The following ARFIP1 variants were observed in gnomAD, a reference collection of about 807,000 sequenced individuals.
ARFIP1 encodes arfaptin-1.
In ARFIP1, 24 loss-of-function variants were observed where a neutral mutation model predicts 42.5. The observed-to-expected ratio is 0.57, with a 90% confidence interval of 0.41 to 0.80. The LOEUF (loss-of-function observed/expected upper bound fraction) is 0.80. Among genes scored for constraint, ARFIP1 ranks in the 30% least tolerant of loss-of-function variants. The pLI, the probability that ARFIP1 is intolerant of heterozygous loss-of-function variation, is 0.00. For synonymous variants in ARFIP1, 141 were observed against 153.7 expected (o/e 0.92, Z 0.61); for missense variants, 354 against 434.0 (o/e 0.82, Z 1.64).
Position 152,889,073 on chromosome 4 carries a change from C to G in ARFIP1, c.966+766C>G, listed in dbSNP as rs1472914386. On this transcript the variant is annotated intron_variant, in intron 8 of 8. Transcript: ENST00000353617. ...CGTTGGTAGTTTTTTCTGTGCATTTCACATCCTGTGAAGTCATGACAGGTC... is the reference window on the plus strand; with the variant it reads ...CGTTGGTAGTTTTTTCTGTGCATTTGACATCCTGTGAAGTCATGACAGGTC... Among the ~76,000 whole-genome samples, 3 of 152,258 alleles carry G rather than the reference C, an allele frequency of 2.0e-5. No homozygotes were observed. The East Asian group carries it at 5.8e-4, about 29-fold the overall frequency.
chr4:152,864,727 G>A (rs1481123351), intron 3 of ARFIP1, among the ~76,000 whole-genome samples: 2 of 152,160 alleles, frequency 1.3e-5, no homozygotes, highest in Non-Finnish European at 2.9e-5. Context: ...TGAGGCACTC[G>A]TAATCATTCT....
In ARFIP1 at chr4:152,889,498, CATATAT is replaced by C. The variant is rs71595203; in HGVS notation, c.966+1223_966+1228del. Among the ~76,000 whole-genome samples the C allele has an allele frequency of 3.6e-3, 154 of 42,782 alleles. 4 individuals carry two copies. The highest frequency in any genetic ancestry group is 9.9e-3 in the African/African-American group (147 of 14,840). The allele number at this position is 42,782 out of a possible 152,430, so 28.1% of individuals were successfully genotyped here. On this transcript the variant is annotated intron_variant, in intron 8 of 8. Coordinates refer to ENST00000353617, the MANE Select transcript of ARFIP1 (RefSeq NM_001025595.3). ...CACATAAGATTGCATTCATTTTAGT[CATATAT>C]ATATATATATATATATATATATATA...
chr4:152,892,261 G>A (rs1383344268), intron 8 of ARFIP1, among the ~76,000 whole-genome samples: 1 of 152,138 alleles, frequency 6.6e-6, no homozygotes, highest in Non-Finnish European at 1.5e-5. Context: ...GTGCTGTTCT[G>A]TAATTTGATA....
At chr4:152,866,261 T>G (rs1482993967) in intron 3 of ARFIP1, among the ~76,000 whole-genome samples, 2 of 152,194 alleles carry the variant, frequency 1.3e-5, no homozygotes, top group Non-Finnish European at 2.9e-5. Flanking sequence ...GTCTCCCATG[T>G]CTACTTCTTT....
At chr4:152,876,823 G>A (rs747396612) in intron 5 of ARFIP1, among the ~76,000 whole-genome samples, 1 of 152,224 alleles carries the variant, frequency 6.6e-6, no homozygotes, top group African/African-American at 2.4e-5. Flanking sequence ...AGCCGCTCCA[G>A]CCATGGCTGA....
At chr4:152,856,251 A>G (rs566562375) in intron 2 of ARFIP1, among the ~76,000 whole-genome samples, 37 of 152,330 alleles carry the variant, frequency 2.4e-4, no homozygotes, top group Middle Eastern at 3.4e-3. Flanking sequence ...ACAATATTCT[A>G]TGACAGGAGA....
chr4:152,783,038 C>T (rs1730595299), intron 1 of ARFIP1, among the ~76,000 whole-genome samples: 2 of 152,132 alleles, frequency 1.3e-5, no homozygotes, highest in African/African-American at 4.8e-5. Context: ...CTAGGCTGGG[C>T]ACGGTGCCTC....
chr4:152,841,125 T>G (rs12644926), intron 2 of ARFIP1, among the ~76,000 whole-genome samples: 1 of 151,256 alleles, frequency 6.6e-6, no homozygotes, highest in African/African-American at 2.4e-5. Flanking sequence ...AACCTCCACC[T>G]CCCGGGTTCA....
chr4:152,879,779 G>T (rs1370181276), intron 5 of ARFIP1, among the ~76,000 whole-genome samples: 1 of 152,150 alleles, frequency 6.6e-6, no homozygotes, highest in Non-Finnish European at 1.5e-5. Flanking sequence ...AACCCGGGAG[G>T]TGGAGATTGT....
intron 2 of ARFIP1, among the ~76,000 whole-genome samples, chr4:152,834,809 G>A (rs1731522717): frequency 6.6e-6 from 1 of 152,238 alleles, no homozygotes; most frequent in South Asian, 2.1e-4. Context: ...CAGTGGCCCA[G>A]TAGGGACTCT....
At chr4:152,785,725 G>A (rs565492496) in intron 1 of ARFIP1, among the ~76,000 whole-genome samples, 1 of 152,162 alleles carries the variant, frequency 6.6e-6, no homozygotes, top group African/African-American at 2.4e-5. Flanking sequence ...TGAAAAGTAG[G>A]TATTGGGGAA....
chr4:152,842,928 G>A (rs2149857758), intron 2 of ARFIP1, among the ~76,000 whole-genome samples: 2 of 152,152 alleles, frequency 1.3e-5, no homozygotes, highest in South Asian at 4.1e-4. Context: ...ATAAATCAGG[G>A]ATTGTTGGTT....
chr4:152,810,909 T>G (rs1458805917), intron 1 of ARFIP1, among the ~76,000 whole-genome samples: 2 of 152,064 alleles, frequency 1.3e-5, no homozygotes, highest in Admixed American at 6.5e-5. Context: ...TGTGCTGTGC[T>G]TATCTCTACT....
At chr4:152,790,504 C>T (rs938072117) in intron 1 of ARFIP1, among the ~76,000 whole-genome samples, 2 of 152,156 alleles carry the variant, frequency 1.3e-5, no homozygotes, top group Admixed American at 1.3e-4. Context: ...TATCATTTTA[C>T]TTCTCATTGG....
rs1328665278 is a variant in ARFIP1 at position 152,843,871 on chromosome 4, T to A, written c.93+14145T>A. ...CCAGCTGCGAAAGAAAAGGGCTTGG[T>A]TCTTGCATGGCCTGTGGAGTCTGCA... On this transcript the variant is annotated intron_variant, in intron 2 of 8. Coordinates refer to ENST00000353617, the MANE Select transcript of ARFIP1 (RefSeq NM_001025595.3). 2.6e-5 allele frequency among the ~76,000 whole-genome samples: 4 copies of A among 152,274 alleles called. No homozygotes were observed. The East Asian group carries it at 7.7e-4, about 29-fold the overall frequency.
chr4:152,804,250 T>TAACATGTACTATATATAATATATAAC (rs1728746560), intron 1 of ARFIP1, among the ~76,000 whole-genome samples: 2 of 38,322 alleles, frequency 5.2e-5, no homozygotes, highest in Admixed American at 4.5e-4. Context: ...TAATATATAA[T>TAACATGTACTATATATAATATATAAC]ATAACATGTA....
chr4:152,897,719 A>T (rs550765974), intron 8 of ARFIP1, among the ~76,000 whole-genome samples: 16 of 152,130 alleles, frequency 1.1e-4, no homozygotes, highest in Non-Finnish European at 2.1e-4. Flanking sequence ...AGCCTTGGGT[A>T]TTATCCAACT....
At chr4:152,845,044 G>A (rs1732423670) in intron 2 of ARFIP1, among the ~76,000 whole-genome samples, 1 of 152,042 alleles carries the variant, frequency 6.6e-6, no homozygotes, top group Non-Finnish European at 1.5e-5. Flanking sequence ...AGAGAACCCA[G>A]AAATAAAGCA....
At position 152,821,348 on chromosome 4, in the gene ARFIP1, C is replaced by T. The variant is rs527373344; in HGVS notation, c.-9-8277C>T. Reference sequence around the variant, plus strand: ...GACATATTTAGGGAACTACAACATGCAGTGGCAAGCTTTAACAATAGACTA... The same window carrying T: ...GACATATTTAGGGAACTACAACATGTAGTGGCAAGCTTTAACAATAGACTA... On this transcript the variant is annotated intron_variant, in intron 1 of 8. Transcript: ENST00000353617. 6.6e-5 allele frequency among the ~76,000 whole-genome samples: 10 copies of T among 152,222 alleles called. No individual in the cohort carries two copies. The South Asian group carries it at 1.5e-3, about 22-fold the overall frequency.
Sources: gnomAD v4.1 joint callset for allele counts (sites outside exome capture counted in the v4.1 genomes callset) on GRCh38, gnomAD v4.1.1 for gene constraint, MANE v1.5 for transcripts, NCBI Gene and HGNC (gene_info 2026-07-23, HGNC 2026-07-21) for gene names.